WDR72: variants seen among roughly 807,000 people sequenced by gnomAD.
The protein encoded by WDR72 is WD repeat-containing protein 72.
In WDR72, 120 loss-of-function variants were observed where a neutral mutation model predicts 124.2. The observed-to-expected ratio is 0.97, with a 90% CI of 0.83 to 1.12. WDR72 has a LOEUF of 1.12. Ranked by LOEUF, WDR72 falls within the 50% of genes most tolerant of loss-of-function variation. The pLI is 0.00. For missense variants in WDR72, 1,387 were observed against 1,278.8 expected (o/e 1.08, Z -1.29); for synonymous variants, 452 against 441.7 (o/e 1.02, Z -0.29).
intron 13 of WDR72, among the ~76,000 whole-genome samples, chr15:53,671,202 C>T (rs1384098055): frequency 2.0e-5 from 3 of 152,140 alleles, no homozygotes; most frequent in Non-Finnish European, 4.4e-5. Flanking sequence ...CTCACCCTCG[C>T]TCTGCTTTCT....
rs183404805 is a variant in WDR72, at chr15:53,716,434, G to A, written c.339+173C>T. Among the ~76,000 whole-genome samples the A allele has an allele frequency of 9.3e-3, 1,422 of 152,244 alleles. 36 individuals carry two copies. The highest frequency in any genetic ancestry group is 0.033 in the African/African-American group (1,368 of 41,538). On this transcript the variant is annotated intron_variant, in intron 4 of 19. Transcript: ENST00000360509. Reference sequence around the variant, plus strand: ...AATCTGCTTGAATAATACTTTTTGGGAAAGCAAAATGCCAAAACAGCAGAC... The same window carrying A: ...AATCTGCTTGAATAATACTTTTTGGAAAAGCAAAATGCCAAAACAGCAGAC...
At chr15:53,639,074 G>A (rs1021553150) in intron 14 of WDR72, among the ~76,000 whole-genome samples, 9 of 152,050 alleles carry the variant, frequency 5.9e-5, no homozygotes, top group African/African-American at 2.2e-4. Context: ...TTTGTTTCTT[G>A]TAATGGCAAC....
chr15:53,518,903 C>A (rs1399883580), intron 19 of WDR72, among the ~76,000 whole-genome samples: 1 of 152,030 alleles, frequency 6.6e-6, no homozygotes, highest in Non-Finnish European at 1.5e-5. Flanking sequence ...CATAGATAAC[C>A]TGCCTTATAA....
At chr15:53,518,154 G>C (rs530811827) in intron 19 of WDR72, among the ~76,000 whole-genome samples, 2 of 151,870 alleles carry the variant, frequency 1.3e-5, no homozygotes, top group Non-Finnish European at 2.9e-5. Context: ...CACAACTGCA[G>C]TTTTAGGGTC....
intron 13 of WDR72, 102 bp downstream of exon 13, chr15:53,699,648 C>A: frequency 7.8e-7 from 1 of 1,285,250 alleles, no homozygotes; most frequent in Non-Finnish European, 1.1e-6. Context: ...AAGGTTAAAG[C>A]AAGTGAGGTC....
At chr15:53,688,858 A>G (rs372430440) in intron 13 of WDR72, among the ~76,000 whole-genome samples, 4,076 of 152,124 alleles carry the variant, frequency 0.027, 93 homozygotes, top group East Asian at 0.068. Flanking sequence ...TACTGGTACC[A>G]AAACAGAGAT....
At chr15:53,650,916 T>A (rs1389537554) in intron 14 of WDR72, among the ~76,000 whole-genome samples, 2 of 142,532 alleles carry the variant, frequency 1.4e-5, no homozygotes, top group South Asian at 2.2e-4. Flanking sequence ...TTTTTTTTTT[T>A]ACATAGCAAA....
chr15:53,521,397 A>G (rs766635500), intron 19 of WDR72, among the ~76,000 whole-genome samples: 2 of 152,082 alleles, frequency 1.3e-5, no homozygotes, highest in Non-Finnish European at 2.9e-5. Flanking sequence ...TGAGACCAGT[A>G]GTGAACTCTC....
intron 13 of WDR72, among the ~76,000 whole-genome samples, chr15:53,680,732 G>C (rs888030977): frequency 3.9e-5 from 6 of 152,174 alleles, no homozygotes; most frequent in Non-Finnish European, 8.8e-5. Context: ...CTGATGAACT[G>C]TAAGATGGCA....
Position 53,597,140 on chromosome 15 carries a change from T to C in WDR72, c.3087A>G (p.Pro1029=), listed in dbSNP as rs1291776318. 6.2e-7 allele frequency: 1 copy of C among 1,613,856 alleles called. No homozygotes were observed. The highest frequency in any genetic ancestry group is 1.7e-5 in the Admixed American group (1 of 59,974). Residue 1029 remains proline (P), a synonymous_variant, in exon 18 of 20, where the codon CCA becomes CCG. Coordinates refer to ENST00000360509, the MANE Select transcript of WDR72 (RefSeq NM_182758.4). The part of the protein sequence containing the change: ...NGNCEMKQML[P]KLEWTEELEL... ...CTAGTTCTTCTGTCCATTCCAGCTT[T>C]GGCAGCATCTGCTTCATCTCACAGT...
At position 53,570,322 on chromosome 15, in the gene WDR72, A is replaced by G. The variant is rs115352752; in HGVS notation, c.3148+26757T>C. On this transcript the variant is annotated intron_variant, in intron 18 of 19. Coordinates refer to ENST00000360509, the MANE Select transcript of WDR72 (RefSeq NM_182758.4). ...TAACCTCTTCACAATTTTCAAGAAT[A>G]CAATACATTGTTCTTAGCTATAGTC... 4.1e-3 allele frequency among the ~76,000 whole-genome samples: 616 copies of G among 151,756 alleles called. 7 individuals are homozygous for G. The highest frequency in any genetic ancestry group is 0.014 in the African/African-American group (587 of 41,398).
At chr15:53,706,370 A>ATG (rs2017372122) in intron 9 of WDR72, among the ~76,000 whole-genome samples, 1 of 51,638 alleles carries the variant, frequency 1.9e-5, no homozygotes, top group Non-Finnish European at 3.9e-5. Flanking sequence ...ATATATATAT[A>ATG]TATATATATA....
intron 13 of WDR72, among the ~76,000 whole-genome samples, chr15:53,689,760 C>T (rs184491845): frequency 0.027 from 4,119 of 151,002 alleles, 104 homozygotes; most frequent in East Asian, 0.059. Flanking sequence ...CAAAGACACA[C>T]GCACACGTAT....
At chr15:53,704,613 G>T (rs550720475) in intron 11 of WDR72, among the ~76,000 whole-genome samples, 58 of 150,684 alleles carry the variant, frequency 3.8e-4, no homozygotes, top group African/African-American at 1.3e-3. Flanking sequence ...TGCAAGCTCT[G>T]CTCCCAGGTT....
intron 1 of WDR72, among the ~76,000 whole-genome samples, chr15:53,742,732 G>A (rs1225331481): frequency 6.6e-6 from 1 of 152,102 alleles, no homozygotes; most frequent in Admixed American, 6.6e-5. Flanking sequence ...TTCTCTCACG[G>A]GGATCTCTAG....
At chr15:53,565,198 C>G (rs1271660203) in intron 18 of WDR72, among the ~76,000 whole-genome samples, 1 of 151,690 alleles carries the variant, frequency 6.6e-6, no homozygotes, top group African/African-American at 2.4e-5. Flanking sequence ...AAAGGGAGCC[C>G]TTGGGGACTC....
intron 14 of WDR72, among the ~76,000 whole-genome samples, chr15:53,654,420 T>G (rs2015345362): frequency 2.6e-5 from 4 of 152,234 alleles, no homozygotes; most frequent in Admixed American, 2.6e-4. Context: ...AAACAGATTT[T>G]GATAATTATT....
chr15:53,521,596 C>T (rs548997802), intron 19 of WDR72, among the ~76,000 whole-genome samples: 38 of 152,068 alleles, frequency 2.5e-4, no homozygotes, highest in African/African-American at 8.9e-4. Context: ...TTGATAAACA[C>T]GTTTGTGTGT....
chr15:53,715,740 A>G (rs553365501), intron 4 of WDR72, among the ~76,000 whole-genome samples: 1 of 152,308 alleles, frequency 6.6e-6, no homozygotes, highest in South Asian at 2.1e-4. Context: ...TGGGAAGACC[A>G]CTTGAGGCCA....
Sources: allele counts gnomAD v4.1 joint callset (sites outside exome capture counted in the v4.1 genomes callset), GRCh38; gene constraint gnomAD v4.1.1; transcripts MANE v1.5; gene names NCBI Gene and HGNC (gene_info 2026-07-23, HGNC 2026-07-21).